TULP4: variants seen among roughly 807,000 people sequenced by gnomAD.
The protein encoded by TULP4 is tubby-related protein 4.
TULP4 carries 16 observed loss-of-function variants against 129.0 expected under a neutral mutation model. That is an observed-to-expected ratio of 0.12 (90% CI 0.08 to 0.19). The LOEUF is 0.19. TULP4 is among the 10% of genes least tolerant of loss of function. TULP4 has a pLI of 1.00. For synonymous variants in TULP4, 998 were observed against 854.0 expected (o/e 1.17, Z -2.94); for missense variants, 1,842 against 2,059.1 (o/e 0.89, Z 2.04).
intron 1 of TULP4, chr6:158,237,940 A>T: frequency 1.4e-6 from 1 of 727,764 alleles, no homozygotes; most frequent in Non-Finnish European, 2.6e-6. Flanking sequence ...TAGGTCACTA[A>T]TTGCCTCCTC....
intron 4 of TULP4, among the ~76,000 whole-genome samples, chr6:158,450,897 A>G (rs1779149340): frequency 6.6e-6 from 1 of 152,052 alleles, no homozygotes; most frequent in South Asian, 2.1e-4. Flanking sequence ...TCTACTAAAA[A>G]TACAAAAGAA....
intron 13 of TULP4, among the ~76,000 whole-genome samples, chr6:158,505,031 C>A (rs145740189): frequency 0.022 from 3,358 of 152,238 alleles, 89 homozygotes; most frequent in Middle Eastern, 0.027. Context: ...TTTTTGTATA[C>A]TTTTCTTCCC....
intron 1 of TULP4, among the ~76,000 whole-genome samples, chr6:158,405,409 G>A (rs564190155): frequency 6.6e-6 from 1 of 152,130 alleles, no homozygotes; most frequent in African/African-American, 2.4e-5. Flanking sequence ...GGCTGCGAAG[G>A]CCCCGAGCTC....
chr6:158,414,219 T>C (rs1015852138), intron 2 of TULP4, among the ~76,000 whole-genome samples: 1 of 152,352 alleles, frequency 6.6e-6, no homozygotes, highest in South Asian at 2.1e-4. Context: ...ATTGACTGAC[T>C]GATAAGGCCT....
At chr6:158,314,941 C>G (rs769193931) in intron 1 of TULP4, among the ~76,000 whole-genome samples, 3 of 152,154 alleles carry the variant, frequency 2.0e-5, no homozygotes, top group Admixed American at 1.3e-4. Context: ...TTGAGCAATA[C>G]TTAAGTGTTA....
chr6:158,461,411 CA>C (rs1172710735), intron 5 of TULP4, 151 bp from the exon 6 acceptor site: 31,241 of 543,826 alleles, frequency 0.057, 1 homozygote, highest in East Asian at 0.09. Flanking sequence ...AACTCCGTCT[CA>C]AAAAAAAAAA....
At chr6:158,472,917 C>G (rs1779723927) in intron 6 of TULP4, among the ~76,000 whole-genome samples, 1 of 152,156 alleles carries the variant, frequency 6.6e-6, no homozygotes, top group Non-Finnish European at 1.5e-5. Flanking sequence ...ATCTGTGACT[C>G]TCTATATATT....
At chr6:158,395,062 C>T (rs532196538) in intron 1 of TULP4, among the ~76,000 whole-genome samples, 69 of 152,188 alleles carry the variant, frequency 4.5e-4, no homozygotes, top group Non-Finnish European at 9.1e-4. Context: ...GAGGGAAATC[C>T]GCCCCCATGA....
intron 12 of TULP4, among the ~76,000 whole-genome samples, chr6:158,500,002 C>T (rs575966181): frequency 4.6e-5 from 7 of 151,882 alleles, no homozygotes; most frequent in Admixed American, 1.3e-4. Flanking sequence ...TTTGGTGAAG[C>T]CTCCCATACC....
intron 1 of TULP4, among the ~76,000 whole-genome samples, chr6:158,381,715 A>G (rs569034857): frequency 6.6e-6 from 1 of 152,218 alleles, no homozygotes; most frequent in African/African-American, 2.4e-5. Context: ...GTAAATGGCT[A>G]CCTAGCTAAG....
intron 1 of TULP4, among the ~76,000 whole-genome samples, chr6:158,295,374 T>C (rs890526904): frequency 6.6e-6 from 1 of 152,176 alleles, no homozygotes; most frequent in African/African-American, 2.4e-5. Context: ...AAAAACTTCC[T>C]TACTAATTTT....
chr6:158,428,811 A>AT (rs1317154986), intron 2 of TULP4, among the ~76,000 whole-genome samples: 1 of 152,060 alleles, frequency 6.6e-6, no homozygotes, highest in Admixed American at 6.6e-5. Flanking sequence ...TATTCCTGGG[A>AT]TTTTTCCTGT....
At position 158,300,063 on chromosome 6, in the gene TULP4, G is replaced by A. The variant is rs117823807; in HGVS notation, n.117-11988G>A. ...ATTGAACCACACCCATTTTAATTTG[G>A]CGTGCCAGTTTCTGAGGAGTCGGCA... is the stretch of plus-strand genomic sequence containing the variant. On this transcript the variant is annotated intron_variant and non_coding_transcript_variant, in intron 1 of 1. Transcript: ENST00000432358. 6.3e-4 allele frequency among the ~76,000 whole-genome samples: 96 copies of A among 152,216 alleles called. No individual in the cohort carries two copies. In the East Asian group the frequency reaches 0.017, roughly 26 times the overall value.
chr6:158,270,882 G>A (rs1047996919), intron 1 of TULP4, among the ~76,000 whole-genome samples: 4 of 152,214 alleles, frequency 2.6e-5, no homozygotes, highest in Non-Finnish European at 4.4e-5. Context: ...GGGCACAGTG[G>A]CCCATGCCTG....
chr6:158,439,411 A>G lies in TULP4; in HGVS notation c.543+9514A>G, dbSNP rs149804741. Reference sequence around the variant, plus strand: ...CCCTCCCAGAGCAGCTCTCACTCCTACACAGGGCACAGAGCAGCTTTCTCT... The same window carrying G: ...CCCTCCCAGAGCAGCTCTCACTCCTGCACAGGGCACAGAGCAGCTTTCTCT... On this transcript the variant is annotated intron_variant, in intron 3 of 13. Coordinates refer to ENST00000367097, the MANE Select transcript of TULP4 (RefSeq NM_020245.5). Among the ~76,000 whole-genome samples, 1,454 of 151,796 alleles carry G rather than the reference A, an allele frequency of 9.6e-3. 27 individuals carry two copies. Among genetic ancestry groups the G allele is most frequent in the African/African-American group, 0.032 (1,329 of 41,398 alleles).
upstream of TULP4, among the ~76,000 whole-genome samples, chr6:158,278,934 T>G (rs928843562): frequency 1.0e-4 from 10 of 96,696 alleles, no homozygotes; most frequent in African/African-American, 4.0e-4. Context: ...AGTTGTTGTT[T>G]TTTTTTGTTT....
chr6:158,498,756 T>G lies in TULP4; in HGVS notation c.1958T>G (p.Ile653Ser). 2 of 1,614,232 alleles carry G rather than the reference T, an allele frequency of 1.2e-6. No individual in the cohort carries two copies. Among genetic ancestry groups the G allele is most frequent in the Non-Finnish European group, 1.7e-6 (2 of 1,180,040 alleles). ...PEVRKISMDY[I>S]NLPVFNPNVF... ...GTTCGGAAAATTTCCATGGACTATA[T>G]TAATTTACCTGTCTTCAACCCAAAT... The change falls in exon 12 of 14, where the codon ATT becomes AGT. Residue 653 changes from isoleucine to serine, a missense_variant. Ile to Ser is a moderately radical substitution (Grantham distance 142, BLOSUM62 -2). Coordinates refer to ENST00000367097, the MANE Select transcript of TULP4 (RefSeq NM_020245.5).
chr6:158,498,509 A>G (rs906029234), intron 11 of TULP4, among the ~76,000 whole-genome samples, 160 bp from the exon 12 acceptor site: 2 of 152,162 alleles, frequency 1.3e-5, no homozygotes, highest in African/African-American at 4.8e-5. Flanking sequence ...AGTACTAGGG[A>G]GAAATGAAGA....
At chr6:158,324,195 T>C (rs7743916) in intron 1 of TULP4, among the ~76,000 whole-genome samples, 1 of 152,222 alleles carries the variant, frequency 6.6e-6, no homozygotes. Flanking sequence ...AGAGAAAGGA[T>C]CTGCATAGTG....
Sources: gnomAD v4.1 joint callset for allele counts (sites outside exome capture counted in the v4.1 genomes callset) on GRCh38, gnomAD v4.1.1 for gene constraint, MANE v1.5 for transcripts, NCBI Gene and HGNC (gene_info 2026-07-23, HGNC 2026-07-21) for gene names.